The following AKAP12 variants were observed in gnomAD, a reference collection of about 807,000 sequenced individuals.
The protein encoded by AKAP12 is A-kinase anchor protein 12.
In AKAP12, 32 loss-of-function variants were observed where a neutral mutation model predicts 79.9. The observed-to-expected ratio is 0.40, with a 90% CI of 0.30 to 0.54. The LOEUF (loss-of-function observed/expected upper bound fraction) is 0.54, where lower values mean the gene tolerates loss of function less well. Among genes scored for constraint, AKAP12 ranks in the 20% least tolerant of loss-of-function variants. The pLI is 0.48. For synonymous variants in AKAP12, 808 were observed against 857.0 expected, an observed-to-expected ratio of 0.94 and a Z score of 1.00; for missense variants, 2,074 against 2,177.0, an observed-to-expected ratio of 0.95 and a Z score of 0.94.
intron 2 of AKAP12, among the ~76,000 whole-genome samples, chr6:151,290,048 A>G (rs1349413485): frequency 6.6e-6 from 1 of 152,242 alleles, no homozygotes. Flanking sequence ...CATCTGAACA[A>G]GATGGTTTGG....
intron 3 of AKAP12, among the ~76,000 whole-genome samples, chr6:151,312,316 TA>T (rs535078459): frequency 7.8e-4 from 118 of 150,330 alleles, no homozygotes; most frequent in African/African-American, 2.9e-3. Flanking sequence ...TACGAACGTT[TA>T]AAAAAATTAG....
chr6:151,344,492 G>T (rs546581047), intron 3 of AKAP12, among the ~76,000 whole-genome samples: 1 of 151,298 alleles, frequency 6.6e-6, no homozygotes, highest in Non-Finnish European at 1.5e-5. Context: ...CTCTTGCCCT[G>T]ACTTGGTTGG....
chr6:151,267,246 C>T (rs1403103749), intron 2 of AKAP12, among the ~76,000 whole-genome samples: 4 of 152,018 alleles, frequency 2.6e-5, no homozygotes, highest in Admixed American at 6.6e-5. Flanking sequence ...ATTTTATATT[C>T]ACTGTAATCT....
chr6:151,324,202 G>T (rs899073406), intron 3 of AKAP12: 4 of 985,314 alleles, frequency 4.1e-6, no homozygotes, highest in African/African-American at 3.5e-5. Context: ...CAGCTCAGTG[G>T]CTGGGTCTGG....
intron 3 of AKAP12, among the ~76,000 whole-genome samples, chr6:151,344,464 A>C (rs1778032238): frequency 1.3e-5 from 2 of 152,208 alleles, no homozygotes; most frequent in African/African-American, 4.8e-5. Context: ...CAAGGACAAA[A>C]AAAAACTCTA....
In AKAP12 at chr6:151,353,700, A is replaced by G. The variant is rs1015946814; in HGVS notation, c.5309A>G (p.Gln1770Arg). 1.6e-5 allele frequency: 26 copies of G among 1,605,032 alleles called. No homozygotes were observed. The highest frequency in any genetic ancestry group is 1.6e-4 in the Admixed American group (9 of 57,394). ...TPQAQEELQK[Q>R]ERESAKSELT... ...CAAGCACAGGAGGAGTTACAGAAAC[A>G]AGAGAGAGAATCTGCAAAGTCAGAA... Residue 1770 changes from glutamine to arginine, a missense_variant, in exon 4 of 5, where the codon CAA (glutamine) becomes CGA (arginine). By Grantham distance (43) the Gln-to-Arg change is conservative. This residue lies in a region of AKAP12 where 614 missense variants were observed against 665.6 expected (regional missense o/e 0.92). Transcript: ENST00000402676.
intron 2 of AKAP12, among the ~76,000 whole-genome samples, chr6:151,271,009 T>C (rs1394398727): frequency 3.3e-5 from 5 of 152,192 alleles, no homozygotes; most frequent in African/African-American, 1.2e-4. Context: ...GCTTCTAGTT[T>C]GGGGAGTTAG....
rs1471656801 is a variant in AKAP12, at chr6:151,357,574, T to C, written c.*1860T>C. The C allele has an allele frequency of 1.3e-5, 2 of 152,166 alleles. No individual in the cohort carries two copies. Among genetic ancestry groups the C allele is most frequent in the Non-Finnish European group, 2.9e-5 (2 of 68,042 alleles). 9.4% of individuals were successfully genotyped at this position (152,166 alleles called of 1,614,324 possible). On this transcript the variant is annotated 3_prime_UTR_variant, in exon 5 of 5. Transcript: ENST00000402676. ...TTGGCCATATTAGTAAAACACCTCA[T>C]GATAGCAGTGTATATATAGTCTTGT...
intron 2 of AKAP12, among the ~76,000 whole-genome samples, chr6:151,255,381 G>A (rs1002364596): frequency 4.6e-5 from 7 of 151,966 alleles, no homozygotes. Flanking sequence ...GGGTGGTCTC[G>A]AACTCCTGAC....
intron 3 of AKAP12, among the ~76,000 whole-genome samples, chr6:151,320,503 C>T (rs747556517): frequency 2.0e-5 from 3 of 152,120 alleles, no homozygotes; most frequent in African/African-American, 2.4e-5. Flanking sequence ...CTGCCACTTT[C>T]TCCCTCATTG....
intron 3 of AKAP12, among the ~76,000 whole-genome samples, chr6:151,331,792 G>A (rs192965341): frequency 6.6e-6 from 1 of 151,138 alleles, no homozygotes; most frequent in Non-Finnish European, 1.5e-5. Context: ...GGCTGAGGCA[G>A]GAGAATGGCA....
At chr6:151,276,963 C>T (rs951054684) in intron 2 of AKAP12, among the ~76,000 whole-genome samples, 17 of 152,148 alleles carry the variant, frequency 1.1e-4, no homozygotes, top group East Asian at 3.9e-4. Context: ...TGCATCTCCA[C>T]GGGCACATAA....
At chr6:151,329,721 G>A (rs937828601) in intron 3 of AKAP12, among the ~76,000 whole-genome samples, 11 of 152,216 alleles carry the variant, frequency 7.2e-5, no homozygotes, top group African/African-American at 2.7e-4. Context: ...TTTCACAACT[G>A]CTGGATTAAT....
chr6:151,290,156 T>A (rs1331653928), intron 2 of AKAP12, among the ~76,000 whole-genome samples: 1 of 152,224 alleles, frequency 6.6e-6, no homozygotes, highest in Non-Finnish European at 1.5e-5. Flanking sequence ...CTGGCACCTA[T>A]TAATGCTTAT....
Position 151,352,391 on chromosome 6 carries a change from G to C in AKAP12, c.4000G>C (p.Glu1334Gln). 1.9e-6 allele frequency: 3 copies of C among 1,614,126 alleles called. No homozygotes were observed. The highest frequency in any genetic ancestry group is 2.5e-6 in the Non-Finnish European group (3 of 1,180,022). The change falls in exon 4 of 5, where the codon GAG becomes CAG. Residue 1334 changes from glutamate to glutamine, a missense_variant. By Grantham distance (29) the Glu-to-Gln change is conservative. Transcript: ENST00000402676. The stretch of plus-strand genomic sequence containing the variant: ...CGCTAAGTCTCCTCCATCCCCCGTG[G>C]AGAGAGAGATGGTAGTTCAAGTCGA... The part of the protein sequence containing the change: ...SHAKSPPSPV[E>Q]REMVVQVERE...
chr6:151,274,798 T>C (rs9478189), intron 2 of AKAP12, among the ~76,000 whole-genome samples: 5,552 of 152,206 alleles, frequency 0.036, 320 homozygotes, highest in African/African-American at 0.12. Context: ...AGTATAAAAA[T>C]GGAGGTAAGA....
At position 151,349,489 on chromosome 6, in the gene AKAP12, C is replaced by A; in HGVS notation, c.1098C>A (p.His366Gln). The change falls in exon 4 of 5, where the codon CAC becomes CAA. Residue 366 changes from histidine (H) to glutamine (Q), a missense_variant. Around this residue, in one of 3 missense-constraint regions of AKAP12, gnomAD observed 1,428 missense variants for 1,451.0 expected, o/e 0.98. Coordinates refer to ENST00000402676, the MANE Select transcript of AKAP12 (RefSeq NM_005100.4). ...AHPQEPAESAHEPRLSAEYEK... is the reference protein window; with the variant it reads ...AHPQEPAESAQEPRLSAEYEK... ...CACAGGAGCCGGCAGAAAGTGCCCA[C>A]GAGCCCCGGTTATCAGCTGAATATG... The A allele has an allele frequency of 6.2e-7, 1 of 1,607,882 alleles. No homozygotes were observed. The highest frequency in any genetic ancestry group is 8.5e-7 in the Non-Finnish European group (1 of 1,178,178).
chr6:151,322,061 C>T (rs757398331), intron 3 of AKAP12, among the ~76,000 whole-genome samples: 1 of 152,026 alleles, frequency 6.6e-6, no homozygotes, highest in Non-Finnish European at 1.5e-5. Flanking sequence ...AGGCGCCCGC[C>T]ACCACGCCCG....
chr6:151,288,498 C>T (rs1028837162), intron 2 of AKAP12, among the ~76,000 whole-genome samples: 1 of 152,070 alleles, frequency 6.6e-6, no homozygotes, highest in Non-Finnish European at 1.5e-5. Context: ...GGGGACAGAG[C>T]AAGACATCGT....
Sources: allele counts gnomAD v4.1 joint callset (sites outside exome capture counted in the v4.1 genomes callset), GRCh38; gene constraint gnomAD v4.1.1; regional missense constraint gnomAD v4.1.1; transcripts MANE v1.5; gene names NCBI Gene and HGNC (gene_info 2026-07-23, HGNC 2026-07-21).